ACTA2: variants seen among roughly 807,000 people sequenced by gnomAD.
ACTA2 encodes the protein actin alpha 2, smooth muscle, also known as actin, aortic smooth muscle.
Under a neutral mutation model 39.5 loss-of-function variants are expected in ACTA2, and 12 were observed. That is an observed-to-expected ratio of 0.30 (90% CI 0.19 to 0.49). ACTA2 has a LOEUF of 0.49. ACTA2 is among the 20% of genes least tolerant of loss of function. The pLI, the probability that ACTA2 is intolerant of heterozygous loss-of-function variation, is 0.99. For missense variants in ACTA2, 236 were observed against 498.8 expected (o/e 0.47, Z 5.02); for synonymous variants, 158 against 180.6 (o/e 0.88, Z 1.00).
intron 1 of ACTA2, among the ~76,000 whole-genome samples, chr10:88,964,824 C>T (rs769764831): frequency 2.0e-5 from 3 of 152,120 alleles, no homozygotes; most frequent in Non-Finnish European, 4.4e-5. Context: ...AAAGCATGGT[C>T]ATTCAAAGGA....
At chr10:88,989,685 T>C (rs992101614) in intron 1 of ACTA2, 14 of 433,050 alleles carry the variant, frequency 3.2e-5, no homozygotes, top group African/African-American at 2.6e-4. Context: ...AAATGTCAAC[T>C]GAGAGGAAGC....
intron 1 of ACTA2, chr10:88,989,450 T>C: frequency 1.9e-6 from 1 of 540,284 alleles, no homozygotes; most frequent in Non-Finnish European, 3.7e-6. Flanking sequence ...CTTATCCCAC[T>C]TCTTTTTGTG....
intron 1 of ACTA2, among the ~76,000 whole-genome samples, chr10:88,988,186 T>C (rs1846964334): frequency 6.6e-6 from 1 of 152,130 alleles, no homozygotes; most frequent in Non-Finnish European, 1.5e-5. Context: ...ATCAAATAGT[T>C]AAGAAGAGGG....
chr10:88,987,044 C>T lies in ACTA2; in HGVS notation c.-24+3895G>A, dbSNP rs1004378678. On this transcript the variant is annotated intron_variant, in intron 1 of 4. Coordinates refer to the ACTA2 transcript ENST00000415557. ...ATTACCTATCCAAATCTAAGATCTC[C>T]GTCCTCTCTCTTCCTTTCCCAAGAA... is the stretch of plus-strand genomic sequence containing the variant. 1.4e-4 allele frequency among the ~76,000 whole-genome samples: 21 copies of T among 152,248 alleles called. 1 individual carries two copies. The highest frequency in any genetic ancestry group is 4.8e-4 in the African/African-American group (20 of 41,544).
intron 3 of ACTA2, among the ~76,000 whole-genome samples, chr10:88,945,559 T>G (rs1845931094): frequency 6.6e-6 from 1 of 152,228 alleles, no homozygotes; most frequent in Admixed American, 6.5e-5. Context: ...CTGTAATGTT[T>G]AATGACCAAA....
chr10:88,964,561 C>T (rs903039776), intron 1 of ACTA2, among the ~76,000 whole-genome samples: 9 of 152,186 alleles, frequency 5.9e-5, no homozygotes, highest in African/African-American at 2.2e-4. Context: ...GGTGATCAAC[C>T]TTTGTCCTTC....
chr10:88,973,126 T>C (rs1846486606), intron 1 of ACTA2: 1 of 1,517,792 alleles, frequency 6.6e-7, no homozygotes, highest in Admixed American at 2.1e-5. Flanking sequence ...TTTTAATTTT[T>C]CCTGGGCCTT....
At chr10:88,970,350 G>A (rs959937246) in intron 1 of ACTA2, among the ~76,000 whole-genome samples, 2 of 151,774 alleles carry the variant, frequency 1.3e-5, no homozygotes, top group African/African-American at 2.4e-5. Context: ...TGTCCTCTTC[G>A]CTGAGTTCCT....
At chr10:88,965,565 A>G (rs1482213370) in intron 1 of ACTA2, among the ~76,000 whole-genome samples, 1 of 152,182 alleles carries the variant, frequency 6.6e-6, no homozygotes, top group South Asian at 2.1e-4. Context: ...GGTCAAACAC[A>G]TTAGGTATAC....
At chr10:88,967,176 T>G (rs1846333478) in intron 1 of ACTA2, among the ~76,000 whole-genome samples, 1 of 152,144 alleles carries the variant, frequency 6.6e-6, no homozygotes, top group Admixed American at 6.5e-5. Context: ...CCAACAAAAT[T>G]GAGACCCTAT....
intron 1 of ACTA2, among the ~76,000 whole-genome samples, chr10:88,962,096 C>T (rs1229247048): frequency 1.3e-5 from 2 of 152,100 alleles, no homozygotes; most frequent in Non-Finnish European, 2.9e-5. Flanking sequence ...AACAGAGGAC[C>T]TAGGTCTCCT....
At chr10:88,943,147 CGTT>C (rs1309696343) in intron 4 of ACTA2, among the ~76,000 whole-genome samples, 1 of 152,160 alleles carries the variant, frequency 6.6e-6, no homozygotes, top group Non-Finnish European at 1.5e-5. Context: ...TGACACTAGA[CGTT>C]GTTATTTAAT....
rs1048266477 is a variant in ACTA2 at position 88,990,987 on chromosome 10, T to G, written c.-72A>C. Reference sequence around the variant, plus strand: ...CAAAGTGGGGCGGGCGCGGGACGCGTGCGGGATTGCGGCGGCAGCGGCGCA... The same window carrying G: ...CAAAGTGGGGCGGGCGCGGGACGCGGGCGGGATTGCGGCGGCAGCGGCGCA... On this transcript the variant is annotated 5_prime_UTR_variant, in exon 1 of 5. Transcript: ENST00000415557. The surrounding 1 kb of genome is among the most constrained non-coding windows in gnomAD (Gnocchi z 4.9). 2.5e-5 allele frequency: 40 copies of G among 1,596,464 alleles called. No individual in the cohort carries two copies. The highest frequency in any genetic ancestry group is 3.3e-5 in the Non-Finnish European group (39 of 1,165,934).
In ACTA2 at chr10:88,948,959, G is replaced by C; in HGVS notation, c.-23-6C>G. 6.2e-7 allele frequency: 1 copy of C among 1,613,128 alleles called. No homozygotes were observed. The highest frequency in any genetic ancestry group is 1.1e-5 in the South Asian group (1 of 91,044). On this transcript the variant is annotated splice_region_variant and splice_polypyrimidine_tract_variant and intron_variant, in intron 1 of 8. Transcript: ENST00000224784. Reference sequence around the variant, plus strand: ...TGGAGCTGCTTCACAGGATTCTATAGAAAACAGGGAGGAAGCAGCCTCAGC... The same window carrying C: ...TGGAGCTGCTTCACAGGATTCTATACAAAACAGGGAGGAAGCAGCCTCAGC...
In ACTA2 at chr10:88,945,089, G is replaced by A. The variant is rs557443824; in HGVS notation, c.259-1182C>T. 8.9e-4 allele frequency among the ~76,000 whole-genome samples: 136 copies of A among 152,296 alleles called. 1 individual carries two copies. The highest frequency in any genetic ancestry group is 1.3e-3 in the Non-Finnish European group (86 of 68,012). ...CAAAAAATCCTGCCAGTCACAGCAA[G>A]CAACCTTTCTCCTCTCTCTCTCTTC... On this transcript the variant is annotated intron_variant, in intron 3 of 8. Coordinates refer to ENST00000224784, the MANE Select transcript of ACTA2 (RefSeq NM_001613.4).
chr10:88,955,033 AG>A (rs768195499), upstream of ACTA2, among the ~76,000 whole-genome samples: 1,036 of 140,602 alleles, frequency 7.4e-3, 37 homozygotes, highest in African/African-American at 0.021. Flanking sequence ...AAAAAAAAAA[AG>A]AAGAAGAAGG....
At chr10:88,970,539 A>G (rs1266529993) in intron 1 of ACTA2, among the ~76,000 whole-genome samples, 1 of 152,204 alleles carries the variant, frequency 6.6e-6, no homozygotes, top group Non-Finnish European at 1.5e-5. Context: ...GGAGGTAGGA[A>G]GAAGGACATT....
chr10:88,979,312 T>C (rs1440006761), intron 1 of ACTA2, among the ~76,000 whole-genome samples: 2 of 150,900 alleles, frequency 1.3e-5, no homozygotes, highest in Non-Finnish European at 1.5e-5. Flanking sequence ...TGCCGCAGGG[T>C]GCCTTGCCAG....
At chr10:88,988,309 A>T (rs994996043) in intron 1 of ACTA2, among the ~76,000 whole-genome samples, 25 of 152,228 alleles carry the variant, frequency 1.6e-4, no homozygotes, top group Non-Finnish European at 2.1e-4. Flanking sequence ...GAGTTATTAA[A>T]ATCAACTTAT....
Sources: gnomAD v4.1 joint callset for allele counts (sites outside exome capture counted in the v4.1 genomes callset) on GRCh38, gnomAD v4.1.1 for gene constraint, Gnocchi (gnomAD v3.1) non-coding constraint, MANE v1.5 for transcripts, NCBI Gene and HGNC (gene_info 2026-07-23, HGNC 2026-07-21) for gene names.